PRTFDC1: variants seen among roughly 807,000 people sequenced by gnomAD.
PRTFDC1 encodes phosphoribosyltransferase domain-containing protein 1.
A neutral mutation model predicts 34.6 loss-of-function variants in PRTFDC1; 38 were observed. That is an observed-to-expected ratio of 1.10 (90% CI 0.85 to 1.44). The LOEUF (loss-of-function observed/expected upper bound fraction) is 1.44. Ranked by LOEUF, PRTFDC1 falls within the 40% of genes most tolerant of loss-of-function variation. PRTFDC1 has a pLI of 0.00. For synonymous variants in PRTFDC1, 93 were observed against 98.1 expected (o/e 0.95, Z 0.31); for missense variants, 270 against 283.0 (o/e 0.95, Z 0.33).
At chr10:24,885,373 C>T (rs1333141164) in intron 3 of PRTFDC1, among the ~76,000 whole-genome samples, 2 of 152,158 alleles carry the variant, frequency 1.3e-5, no homozygotes, top group Non-Finnish European at 2.9e-5. Context: ...GAGTTGAAAA[C>T]TTATGTCTGC....
intron 3 of PRTFDC1, among the ~76,000 whole-genome samples, chr10:24,874,365 T>A (rs1244892826): frequency 6.6e-6 from 1 of 151,992 alleles, no homozygotes; most frequent in Non-Finnish European, 1.5e-5. Context: ...AAGGAGAAAA[T>A]TTTCTTGTCA....
At chr10:24,940,699 G>A (rs1849140926) in intron 2 of PRTFDC1, among the ~76,000 whole-genome samples, 1 of 152,194 alleles carries the variant, frequency 6.6e-6, no homozygotes, top group Admixed American at 6.5e-5. Flanking sequence ...ATCCATCCAA[G>A]AGAAATGAAA....
At chr10:24,949,741 T>A (rs1046133936) in intron 1 of PRTFDC1, among the ~76,000 whole-genome samples, 39 of 97,978 alleles carry the variant, frequency 4.0e-4, no homozygotes, top group Non-Finnish European at 7.5e-4. Context: ...ATTTATTTAT[T>A]TTTTTTTTTT....
chr10:24,878,205 G>A (rs940378800), intron 3 of PRTFDC1, among the ~76,000 whole-genome samples: 1 of 151,980 alleles, frequency 6.6e-6, no homozygotes, highest in African/African-American at 2.4e-5. Flanking sequence ...CCTGGGAGGT[G>A]GAGGTTGTGG....
intron 3 of PRTFDC1, among the ~76,000 whole-genome samples, chr10:24,904,485 A>G (rs995187812): frequency 6.6e-6 from 1 of 152,166 alleles, no homozygotes; most frequent in African/African-American, 2.4e-5. Context: ...GTCTTCGAGT[A>G]GGTGTGCTAG....
chr10:24,945,160 G>T (rs1241031684), intron 1 of PRTFDC1, among the ~76,000 whole-genome samples: 1 of 152,196 alleles, frequency 6.6e-6, no homozygotes, highest in East Asian at 1.9e-4. Flanking sequence ...TGGATGATGT[G>T]TGTGTGCATG....
At position 24,848,941 on chromosome 10, in the gene PRTFDC1, C is replaced by G. The variant is rs867750786; in HGVS notation, c.*903G>C. On this transcript the variant is annotated 3_prime_UTR_variant, in exon 9 of 9. Transcript: ENST00000320152. ...AAAGATATTTTTTAAAAAATTCAAC[C>G]TCTGTCTTCACATTTAGGACAGGGC... The G allele has an allele frequency of 2.6e-4, 40 of 152,254 alleles. No homozygotes were observed. The highest frequency in any genetic ancestry group is 9.1e-4 in the African/African-American group (38 of 41,548). 9.4% of individuals were successfully genotyped at this position (152,254 alleles called of 1,614,324 possible).
At chr10:24,850,953 G>C (rs1181390325) in intron 8 of PRTFDC1, among the ~76,000 whole-genome samples, 2 of 152,148 alleles carry the variant, frequency 1.3e-5, no homozygotes, top group Non-Finnish European at 2.9e-5. Context: ...TCCACACTGG[G>C]GGTCCACGTC....
chr10:24,895,656 C>T (rs115721438), intron 3 of PRTFDC1, among the ~76,000 whole-genome samples: 2,577 of 128,816 alleles, frequency 0.02, 92 homozygotes, highest in African/African-American at 0.07. Flanking sequence ...AGAAAGAAAA[C>T]CTAAAAACCT....
At chr10:24,885,318 A>G (rs1188612085) in intron 3 of PRTFDC1, among the ~76,000 whole-genome samples, 1 of 152,224 alleles carries the variant, frequency 6.6e-6, no homozygotes, top group African/African-American at 2.4e-5. Context: ...ACACAGTCCT[A>G]TGAGGCAGGA....
At chr10:24,857,107 C>T in intron 5 of PRTFDC1, 112 bp from the exon 6 acceptor site, 1 of 898,116 alleles carries the variant, frequency 1.1e-6, no homozygotes, top group South Asian at 1.4e-5. Context: ...AAATGCCATC[C>T]AATTTGGAGC....
chr10:24,925,024 G>A (rs1442368427), intron 3 of PRTFDC1, among the ~76,000 whole-genome samples: 1 of 152,216 alleles, frequency 6.6e-6, no homozygotes, highest in Non-Finnish European at 1.5e-5. Flanking sequence ...GCACACATAT[G>A]TTTATTGTGG....
chr10:24,952,502 C>T lies in PRTFDC1; in HGVS notation c.48+26G>A. The T allele has an allele frequency of 6.4e-7, 1 of 1,574,210 alleles. No homozygotes were observed. Among genetic ancestry groups the T allele is most frequent in the Non-Finnish European group, 8.6e-7 (1 of 1,158,768 alleles). Reference sequence around the variant, plus strand: ...CAGGGAGGGAGGGGAGCGGGCCGAGCCCCAAAATAGGGAGTTTGCATTTAC... The same window carrying T: ...CAGGGAGGGAGGGGAGCGGGCCGAGTCCCAAAATAGGGAGTTTGCATTTAC... On this transcript the variant is annotated intron_variant, in intron 1 of 8. Coordinates refer to ENST00000320152, the MANE Select transcript of PRTFDC1 (RefSeq NM_020200.7). This position sits in a 1 kb window ranked among gnomAD's most constrained non-coding sequence, Gnocchi z 5.1.
intron 3 of PRTFDC1, among the ~76,000 whole-genome samples, chr10:24,880,871 C>CT (rs1196065853): frequency 6.9e-6 from 1 of 144,470 alleles, no homozygotes; most frequent in Non-Finnish European, 1.5e-5. Flanking sequence ...TTCTTTCTTT[C>CT]TTTCTTTCCC....
At chr10:24,880,954 C>CTTCT (rs1047853740) in intron 3 of PRTFDC1, among the ~76,000 whole-genome samples, 17 of 147,262 alleles carry the variant, frequency 1.2e-4, no homozygotes, top group Non-Finnish European at 1.8e-4. Context: ...TTCCTTCCTT[C>CTTCT]TTCTTTCTTT....
intron 4 of PRTFDC1, among the ~76,000 whole-genome samples, chr10:24,861,535 A>G (rs1435877085): frequency 6.6e-6 from 1 of 151,958 alleles, no homozygotes; most frequent in Non-Finnish European, 1.5e-5. Flanking sequence ...CAAACAAACA[A>G]AAAACCAAAT....
At chr10:24,895,671 G>A (rs1848343431) in intron 3 of PRTFDC1, among the ~76,000 whole-genome samples, 1 of 138,798 alleles carries the variant, frequency 7.2e-6, no homozygotes, top group African/African-American at 2.7e-5. Flanking sequence ...AAACCTAGGA[G>A]GGCAAGAGCT....
At chr10:24,947,639 G>A (rs1433759418) in intron 1 of PRTFDC1, among the ~76,000 whole-genome samples, 2 of 151,540 alleles carry the variant, frequency 1.3e-5, no homozygotes, top group African/African-American at 4.8e-5. Flanking sequence ...AATTTTTTTT[G>A]TGCTTAGACT....
chr10:24,897,676 G>A (rs74424565), intron 3 of PRTFDC1, among the ~76,000 whole-genome samples: 17,552 of 152,106 alleles, frequency 0.12, 1,258 homozygotes, highest in East Asian at 0.29. Flanking sequence ...ACAATGAGGT[G>A]GCCCTTTTGG....
Sources: gnomAD v4.1 joint callset for allele counts (sites outside exome capture counted in the v4.1 genomes callset) on GRCh38, gnomAD v4.1.1 for gene constraint, Gnocchi (gnomAD v3.1) non-coding constraint, MANE v1.5 for transcripts, NCBI Gene and HGNC (gene_info 2026-07-23, HGNC 2026-07-21) for gene names.